FAM91A1: variants seen among roughly 807,000 people sequenced by gnomAD.
FAM91A1 encodes the protein family with sequence similarity 91 member A1, also known as protein FAM91A1.
Under a neutral mutation model 113.5 loss-of-function variants are expected in FAM91A1, and 41 were observed. The ratio of observed to expected loss-of-function variants is 0.36; its 90% CI spans 0.28 to 0.47. The LOEUF is 0.47. FAM91A1 is among the 20% of genes least tolerant of loss of function. The probability of loss-of-function intolerance (pLI) is 1.00; values close to 1 mark genes in which losing one functional copy is unlikely to be tolerated. For synonymous variants in FAM91A1, 307 were observed against 347.9 expected, an observed-to-expected ratio of 0.88 and a Z score of 1.31; for missense variants, 696 against 1,001.2, an observed-to-expected ratio of 0.70 and a Z score of 4.11.
intron 15 of FAM91A1, among the ~76,000 whole-genome samples, chr8:123,792,780 T>A (rs988679544): frequency 6.6e-6 from 1 of 152,204 alleles, no homozygotes; most frequent in African/African-American, 2.4e-5. Flanking sequence ...GGGAAGGGGC[T>A]TAGTGCAAGG....
chr8:123,801,502 A>G (rs1815680968), intron 18 of FAM91A1, among the ~76,000 whole-genome samples: 1 of 152,264 alleles, frequency 6.6e-6, no homozygotes, highest in Non-Finnish European at 1.5e-5. Flanking sequence ...CAGTTCATCT[A>G]ACAATTGAAT....
At chr8:123,799,025 A>G (rs1815612356) in intron 16 of FAM91A1, among the ~76,000 whole-genome samples, 1 of 152,230 alleles carries the variant, frequency 6.6e-6, no homozygotes, top group Non-Finnish European at 1.5e-5. Flanking sequence ...GTAGGAATCC[A>G]TGAACTACTG....
Position 123,787,383 on chromosome 8 carries a change from A to C in FAM91A1, c.1191+10A>C. ...GGGAAATCTTTCACCAGTAAGCCCA[A>C]TTCTTGTTTAAATATGAAGGTGTTT... is the stretch of plus-strand genomic sequence containing the variant. On this transcript the variant is annotated intron_variant, in intron 13 of 23. Coordinates refer to ENST00000334705, the MANE Select transcript of FAM91A1 (RefSeq NM_144963.4). The C allele has an allele frequency of 6.3e-7, 1 of 1,589,762 alleles. No individual in the cohort carries two copies. Among genetic ancestry groups the C allele is most frequent in the Non-Finnish European group, 8.6e-7 (1 of 1,160,318 alleles).
chr8:123,800,018 T>C lies in FAM91A1; in HGVS notation c.1809+133T>C, dbSNP rs191902846. The stretch of plus-strand genomic sequence containing the variant: ...GTTGAAATGTAAAAAATCAGAGATA[T>C]GGATTTTAGTCCTGGCCGTTTGGCA... On this transcript the variant is annotated intron_variant, in intron 18 of 23. Coordinates refer to ENST00000334705, the MANE Select transcript of FAM91A1 (RefSeq NM_144963.4). 1,381 of 783,412 alleles carry C rather than the reference T, an allele frequency of 1.8e-3. 3 individuals are homozygous for C. The highest frequency in any genetic ancestry group is 2.4e-3 in the Non-Finnish European group (1,256 of 514,612). The allele number at this position is 783,412 out of a possible 1,614,324, so 48.5% of individuals were successfully genotyped here.
At chr8:123,785,054 A>G (rs1461097923) in intron 9 of FAM91A1, 27 bp from the exon 10 acceptor site, 3 of 1,549,440 alleles carry the variant, frequency 1.9e-6, no homozygotes, top group Non-Finnish European at 1.8e-6. Context: ...TAAGAATGTA[A>G]AAATAAATTT....
chr8:123,788,793 C>T (rs188583998), intron 14 of FAM91A1, among the ~76,000 whole-genome samples: 2 of 152,222 alleles, frequency 1.3e-5, no homozygotes, highest in East Asian at 3.9e-4. Flanking sequence ...CTCTTTTACT[C>T]ATAAATCTAT....
At chr8:123,806,038 A>G (rs1250298352) in intron 19 of FAM91A1, 42 bp from the exon 20 acceptor site, 5 of 1,487,926 alleles carry the variant, frequency 3.4e-6, no homozygotes, top group Non-Finnish European at 4.5e-6. Context: ...GCGTTGTGTT[A>G]TTAGAAACTG....
chr8:123,801,219 T>C (rs928945451), intron 18 of FAM91A1, among the ~76,000 whole-genome samples: 2 of 152,216 alleles, frequency 1.3e-5, no homozygotes, highest in Non-Finnish European at 2.9e-5. Flanking sequence ...ATAGTTTTGA[T>C]TTACATTTTC....
intron 19 of FAM91A1, 132 bp downstream of exon 19, chr8:123,805,471 T>G: frequency 1.4e-6 from 1 of 723,806 alleles, no homozygotes. Flanking sequence ...TACTAAAGAG[T>G]GTTGGCAAAA....
At chr8:123,781,469 T>C (rs1815119731) in intron 8 of FAM91A1, among the ~76,000 whole-genome samples, 1 of 147,954 alleles carries the variant, frequency 6.8e-6, no homozygotes, top group African/African-American at 2.6e-5. Flanking sequence ...CTTGTGCATA[T>C]GTGAATTTTT....
chr8:123,789,755 A>G lies in FAM91A1; in HGVS notation c.1411+10A>G. 10 of 1,605,782 alleles carry G rather than the reference A, an allele frequency of 6.2e-6. No homozygotes were observed. Among genetic ancestry groups the G allele is most frequent in the Non-Finnish European group, 8.5e-6 (10 of 1,175,870 alleles). On this transcript the variant is annotated intron_variant, in intron 15 of 23. Transcript: ENST00000334705. The stretch of plus-strand genomic sequence containing the variant: ...GACCAACCCAATTATGGTATGATAA[A>G]TATATTTAATTTTGAAGACATGATC...
rs1488722477 is a variant in FAM91A1 at position 123,813,817 on chromosome 8, T to C, written c.*1113T>C. 6.5e-6 allele frequency: 1 copy of C among 154,322 alleles called. No homozygotes were observed. Among genetic ancestry groups the C allele is most frequent in the African/African-American group, 2.4e-5 (1 of 41,482 alleles). The allele number at this position is 154,322 out of a possible 1,614,324, so 9.6% of individuals were successfully genotyped here. ...TACCTTCCTTGGGAAGTTTGTGCAG[T>C]GTTATAGTTTAGTTTAGCTCCTCTT... On this transcript the variant is annotated 3_prime_UTR_variant, in exon 24 of 24. Coordinates refer to ENST00000334705, the MANE Select transcript of FAM91A1 (RefSeq NM_144963.4).
At position 123,815,328 on chromosome 8, in the gene FAM91A1, T is replaced by G. The variant is rs1335840517; in HGVS notation, c.*2624T>G. On this transcript the variant is annotated 3_prime_UTR_variant, in exon 24 of 24. Coordinates refer to ENST00000334705, the MANE Select transcript of FAM91A1 (RefSeq NM_144963.4). ...AATACCAAACTGTAACTGAGTACAG[T>G]GGATCGTTTTCTGTTAGGATGTTAA... The G allele has an allele frequency of 5.2e-5, 8 of 152,632 alleles. No individual in the cohort carries two copies. In the East Asian group the frequency reaches 1.2e-3, roughly 22 times the overall value. 9.5% of individuals were successfully genotyped at this position (152,632 alleles called of 1,614,324 possible).
At chr8:123,811,567 A>G (rs940877178) in intron 23 of FAM91A1, 1 of 152,100 alleles carries the variant, frequency 6.6e-6, no homozygotes, top group African/African-American at 2.4e-5. Flanking sequence ...AAATGTGAGG[A>G]AAAGATTAGG....
At chr8:123,808,864 A>T in intron 21 of FAM91A1, 29 bp from the exon 22 acceptor site, 1 of 1,583,306 alleles carries the variant, frequency 6.3e-7, no homozygotes, top group Non-Finnish European at 8.6e-7. Context: ...ATATATGATA[A>T]AAAAATAAGT....
At chr8:123,812,331 C>T (rs1316996391) in intron 23 of FAM91A1, among the ~76,000 whole-genome samples, 188 bp from the exon 24 acceptor site, 3 of 152,116 alleles carry the variant, frequency 2.0e-5, no homozygotes, top group Non-Finnish European at 2.9e-5. Context: ...CGTTGTTAGT[C>T]ATTTTTGCAC....
chr8:123,805,354 G>GT lies in FAM91A1; in HGVS notation c.1882+16dup, dbSNP rs1434521721. 13 of 1,564,036 alleles carry GT rather than the reference G, an allele frequency of 8.3e-6. No homozygotes were observed. The highest frequency in any genetic ancestry group is 1.8e-5 in the Admixed American group (1 of 55,154). The stretch of plus-strand genomic sequence containing the variant: ...ACTACAAGGAGGTACCTTTTGAATT[G>GT]TATCTATTGACTTTTTTTTTTTTTT... On this transcript the variant is annotated intron_variant, in intron 19 of 23. Coordinates refer to ENST00000334705, the MANE Select transcript of FAM91A1 (RefSeq NM_144963.4).
intron 13 of FAM91A1, 75 bp from the exon 14 acceptor site, chr8:123,787,589 A>G: frequency 8.2e-7 from 1 of 1,221,240 alleles, no homozygotes; most frequent in South Asian, 1.5e-5. Context: ...TTGAAAGGAT[A>G]ATATAAATAT....
chr8:123,798,856 A>G (rs1815608576), intron 16 of FAM91A1, among the ~76,000 whole-genome samples: 1 of 152,148 alleles, frequency 6.6e-6, no homozygotes, highest in Admixed American at 6.6e-5. Flanking sequence ...TACGCAGGTA[A>G]TTTGCCTATG....
Sources: allele counts gnomAD v4.1 joint callset (sites outside exome capture counted in the v4.1 genomes callset), GRCh38; gene constraint gnomAD v4.1.1; transcripts MANE v1.5; gene names NCBI Gene and HGNC (gene_info 2026-07-23, HGNC 2026-07-21).